The following POGLUT3 variants were observed in gnomAD, a reference collection of about 807,000 sequenced individuals.
POGLUT3 encodes the protein KDEL (Lys-Asp-Glu-Leu) containing 2.
A neutral mutation model predicts 54.3 loss-of-function variants in POGLUT3; 48 were observed. That is an observed-to-expected ratio of 0.88 (90% CI 0.70 to 1.12). POGLUT3 has a LOEUF of 1.12. Among genes scored for constraint, POGLUT3 ranks in the 50% most tolerant of loss-of-function variants. The pLI, the probability that POGLUT3 is intolerant of heterozygous loss-of-function variation, is 0.00. For synonymous variants in POGLUT3, 218 were observed against 237.4 expected (o/e 0.92, Z 0.75); for missense variants, 629 against 618.7 (o/e 1.02, Z -0.18).
intron 3 of POGLUT3, 112 bp from the exon 4 acceptor site, chr11:108,482,334 A>C: frequency 1.5e-6 from 1 of 687,874 alleles, no homozygotes; most frequent in Non-Finnish European, 2.4e-6. Flanking sequence ...ACCATTCAAA[A>C]ACAGAGAAGA....
At chr11:108,498,115 C>T in intron 1 of POGLUT3, 50 bp downstream of exon 1, 1 of 1,439,334 alleles carries the variant, frequency 6.9e-7, no homozygotes, top group Non-Finnish European at 9.2e-7. Context: ...GCGGCGGGGA[C>T]GCGCGGGGAC....
In POGLUT3 at chr11:108,486,906, T is replaced by C. The variant is rs544017550; in HGVS notation, c.401-466A>G. 3.9e-3 allele frequency: 617 copies of C among 158,086 alleles called. 3 individuals are homozygous for C. The highest frequency in any genetic ancestry group is 7.3e-3 in the Non-Finnish European group (517 of 71,262). The allele number at this position is 158,086 out of a possible 1,614,324, so 9.8% of individuals were successfully genotyped here. On this transcript the variant is annotated intron_variant, in intron 2 of 7. Transcript: ENST00000323468. Reference sequence around the variant, plus strand: ...CACGAAGGGAAAGGGGAACCAGGCATGCCTCATTATACCCTCCTCCCTTTT... The same window carrying C: ...CACGAAGGGAAAGGGGAACCAGGCACGCCTCATTATACCCTCCTCCCTTTT...
At chr11:108,491,318 G>A (rs970964255) in intron 1 of POGLUT3, 151 bp from the exon 2 acceptor site, 5 of 651,902 alleles carry the variant, frequency 7.7e-6, no homozygotes, top group Non-Finnish European at 7.9e-6. Context: ...GATCTTTGAG[G>A]CCAGGAACTG....
At chr11:108,490,877 G>A in intron 2 of POGLUT3, 93 bp downstream of exon 2, 1 of 816,792 alleles carries the variant, frequency 1.2e-6, no homozygotes, top group Non-Finnish European at 2.0e-6. Flanking sequence ...TTACTTTACT[G>A]CACATGACTT....
Position 108,498,192 on chromosome 11 carries a change from C to T in POGLUT3, c.175G>A (p.Gly59Ser). The T allele has an allele frequency of 2.0e-6, 3 of 1,520,790 alleles. No individual in the cohort carries two copies. The highest frequency in any genetic ancestry group is 2.6e-6 in the Non-Finnish European group (3 of 1,136,134). 94.2% of individuals were successfully genotyped at this position (1,520,790 alleles called of 1,614,324 possible). A position where few individuals can be genotyped will look rare whatever the true frequency, so the allele number is the denominator to read the frequency against. The change falls in exon 1 of 8, where the codon GGC (glycine) becomes AGC (serine). Residue 59 changes from glycine (G) to serine (S), a missense_variant. Gly to Ser is a moderately conservative substitution (Grantham distance 56). Coordinates refer to ENST00000323468, the MANE Select transcript of POGLUT3 (RefSeq NM_153705.5). ...YFYLQAVNSE[G>S]QNLTRSPAGE... ...GCGGGAGAGCGAGTGAGGTTCTGGC[C>T]CTCCGAGTTGACCGCCTGCAGGTAG... is the stretch of plus-strand genomic sequence containing the variant.
In POGLUT3 at chr11:108,474,845, A is replaced by AGG. The variant is rs1366092842; in HGVS notation, c.1504_1505dup (p.Ser503LeufsTer25). 1 of 1,614,108 alleles carries AGG rather than the reference A, an allele frequency of 6.2e-7. No homozygotes were observed. The highest frequency in any genetic ancestry group is 8.5e-7 in the Non-Finnish European group (1 of 1,180,016). On this transcript the variant is annotated frameshift_variant, in exon 8 of 8. Transcript: ENST00000323468. LOFTEE classifies it high-confidence loss of function. Reference sequence around the variant, plus strand: ...GGCTGACTCAAAGTTCTTCTCTTGAAGGCTTTTTCCTGTGGCACTGGCAGA... The same window carrying AGG: ...GGCTGACTCAAAGTTCTTCTCTTGAAGGGGCTTTTTCCTGTGGCACTGGCAGA...
At chr11:108,481,749 G>A (rs1468088878) in intron 4 of POGLUT3, among the ~76,000 whole-genome samples, 2 of 152,104 alleles carry the variant, frequency 1.3e-5, no homozygotes, top group African/African-American at 4.8e-5. Context: ...CAGTGACTGG[G>A]TCCACTCACC....
At chr11:108,489,667 A>G (rs529283174) in intron 2 of POGLUT3, among the ~76,000 whole-genome samples, 1 of 152,302 alleles carries the variant, frequency 6.6e-6, no homozygotes, top group African/African-American at 2.4e-5. Flanking sequence ...CATGCCTGTA[A>G]TCCCAGCACT....
chr11:108,491,193 C>G (rs1446179892), intron 1 of POGLUT3, 26 bp from the exon 2 acceptor site: 1 of 1,530,180 alleles, frequency 6.5e-7, no homozygotes, highest in South Asian at 1.1e-5. Context: ...ATATAAACAA[C>G]TCTACCATGT....
intron 2 of POGLUT3, 111 bp downstream of exon 2, chr11:108,490,859 T>C (rs984979744): frequency 1.9e-5 from 13 of 680,538 alleles, no homozygotes; most frequent in African/African-American, 1.3e-4. Context: ...GAGGTATGTA[T>C]ACAATGTTTA....
At chr11:108,475,460 T>TTG (rs2093579466) in intron 7 of POGLUT3, among the ~76,000 whole-genome samples, 1 of 125,230 alleles carries the variant, frequency 8.0e-6, no homozygotes, top group Non-Finnish European at 1.7e-5. Context: ...TGGAGTTTTT[T>TTG]TTGTTTTTGT....
At position 108,498,302 on chromosome 11, in the gene POGLUT3, G is replaced by A; in HGVS notation, c.65C>T (p.Ala22Val). The change falls in exon 1 of 8, where the codon GCC (alanine) becomes GTC (valine). Residue 22 changes from alanine (A) to valine (V), a missense_variant. Physicochemically the swap from Ala to Val is moderately conservative, Grantham distance 64. Transcript: ENST00000323468. ...CGGCGCGCTGACCAGCACCTCCGGG[G>A]CCCCCGCGGCCACCAGCAGGGCGAG... is the stretch of plus-strand genomic sequence containing the variant. Reference protein sequence around the residue: ...LRLALLVAAGAPEVLVSAPRS... With the variant: ...LRLALLVAAGVPEVLVSAPRS... The A allele has an allele frequency of 2.1e-6, 3 of 1,455,226 alleles. No individual in the cohort carries two copies. Among genetic ancestry groups the A allele is most frequent in the South Asian group, 1.4e-5 (1 of 73,164 alleles). 90.1% of individuals were successfully genotyped at this position (1,455,226 alleles called of 1,614,324 possible).
chr11:108,475,078 A>G, intron 7 of POGLUT3, 126 bp from the exon 8 acceptor site: 1 of 951,532 alleles, frequency 1.1e-6, no homozygotes, highest in Non-Finnish European at 1.6e-6. Context: ...ACTAAAACCA[A>G]AGGTCTGGTT....
chr11:108,482,232 CAT>C lies in POGLUT3; in HGVS notation c.685-12_685-11del. ...AATCTGGGAGAAGGACCTAAATAAA[CAT>C]ATAAACAAACATCAGTGCTGGGAAG... is the stretch of plus-strand genomic sequence containing the variant. On this transcript the variant is annotated splice_polypyrimidine_tract_variant and intron_variant, in intron 3 of 7. Transcript: ENST00000323468. The C allele has an allele frequency of 3.1e-6, 5 of 1,589,868 alleles. No homozygotes were observed. Among genetic ancestry groups the C allele is most frequent in the Non-Finnish European group, 4.3e-6 (5 of 1,158,992 alleles).
At chr11:108,484,123 AC>A (rs1443169219) in intron 3 of POGLUT3, among the ~76,000 whole-genome samples, 1 of 152,136 alleles carries the variant, frequency 6.6e-6, no homozygotes, top group Non-Finnish European at 1.5e-5. Context: ...TAGGATGCTT[AC>A]CCACTAGATG....
At chr11:108,491,449 G>T (rs1025220784) in intron 1 of POGLUT3, 7 of 536,262 alleles carry the variant, frequency 1.3e-5, no homozygotes, top group African/African-American at 1.1e-4. Flanking sequence ...CAACCTCCTG[G>T]GCTCATGAAC....
rs778104697 is a variant in POGLUT3 at position 108,481,269 on chromosome 11, C to G, written c.1009G>C (p.Asp337His). 6.2e-7 allele frequency: 1 copy of G among 1,613,268 alleles called. No homozygotes were observed. The highest frequency in any genetic ancestry group is 8.5e-7 in the Non-Finnish European group (1 of 1,179,684). ...AAGAAATATCCTGTAATTCCTGCATCTAGTAGCTGAGGATTTTCTTTGGAC... is the reference window on the plus strand; with the variant it reads ...AAGAAATATCCTGTAATTCCTGCATGTAGTAGCTGAGGATTTTCTTTGGAC... ...QLSKENPQLL[D>H]AGITGYFFFQ... The change falls in exon 5 of 8, where the codon GAT becomes CAT. Residue 337 changes from aspartate to histidine, a missense_variant. Asp to His is a moderately conservative substitution (Grantham distance 81, BLOSUM62 -1). Transcript: ENST00000323468.
chr11:108,490,322 C>G (rs182511407), intron 2 of POGLUT3, among the ~76,000 whole-genome samples: 55 of 152,110 alleles, frequency 3.6e-4, no homozygotes, highest in Non-Finnish European at 7.6e-4. Context: ...CTCAGCCTCC[C>G]GAGTAGCTGG....
chr11:108,482,261 T>G, intron 3 of POGLUT3, 39 bp from the exon 4 acceptor site: 1 of 1,448,120 alleles, frequency 6.9e-7, no homozygotes, highest in East Asian at 2.3e-5. Context: ...GCTGGGAAGA[T>G]CTCAGTCTTT....
Sources: allele counts gnomAD v4.1 joint callset (sites outside exome capture counted in the v4.1 genomes callset), GRCh38; gene constraint gnomAD v4.1.1; transcripts MANE v1.5; gene names NCBI Gene and HGNC (gene_info 2026-07-23, HGNC 2026-07-21).